Variants in CCSER1 observed in about 807,000 individuals in gnomAD.
CCSER1 encodes coiled-coil serine rich protein 1.
Under a neutral mutation model 82.0 loss-of-function variants are expected in CCSER1, and 41 were observed. That is an observed-to-expected ratio of 0.50 (90% CI 0.39 to 0.65). The LOEUF (loss-of-function observed/expected upper bound fraction) is 0.65, where lower values mean the gene tolerates loss of function less well. CCSER1 is among the 30% of genes least tolerant of loss of function. CCSER1 has a pLI of 0.00. For synonymous variants in CCSER1, 414 were observed against 383.9 expected (o/e 1.08, Z -0.92); for missense variants, 1,119 against 1,064.2 (o/e 1.05, Z -0.72).
chr4:91,154,769 A>G (rs1165912570), intron 10 of CCSER1, among the ~76,000 whole-genome samples: 1 of 152,024 alleles, frequency 6.6e-6, no homozygotes, highest in Non-Finnish European at 1.5e-5. Context: ...GAAAATTAAA[A>G]TTGGGTCATT....
At chr4:91,152,081 G>A (rs1488772886) in intron 10 of CCSER1, among the ~76,000 whole-genome samples, 2 of 152,170 alleles carry the variant, frequency 1.3e-5, no homozygotes, top group Admixed American at 6.5e-5. Flanking sequence ...GGGTGTTAAA[G>A]TTTCCCATTA....
chr4:90,920,149 G>T (rs1050030403), intron 8 of CCSER1, among the ~76,000 whole-genome samples: 2 of 151,820 alleles, frequency 1.3e-5, no homozygotes, highest in Non-Finnish European at 2.9e-5. Flanking sequence ...TTCATTGGTG[G>T]TCAAAGCTCA....
intron 10 of CCSER1, among the ~76,000 whole-genome samples, chr4:91,423,715 C>A (rs1249996624): frequency 6.6e-6 from 1 of 152,018 alleles, no homozygotes; most frequent in Non-Finnish European, 1.5e-5. Flanking sequence ...ACTAGCATCT[C>A]CTAATATAAA....
chr4:91,042,719 T>A (rs1353313829), intron 9 of CCSER1, among the ~76,000 whole-genome samples: 3 of 152,186 alleles, frequency 2.0e-5, no homozygotes, highest in African/African-American at 2.4e-5. Context: ...TACAACTTTT[T>A]AAAATTTTTA....
chr4:91,157,398 A>G (rs745869682), intron 10 of CCSER1, among the ~76,000 whole-genome samples: 1 of 152,012 alleles, frequency 6.6e-6, no homozygotes, highest in African/African-American at 2.4e-5. Flanking sequence ...AGACAGCCTT[A>G]TAAGGCATTT....
chr4:91,551,150 A>G (rs1365155977), intron 10 of CCSER1, among the ~76,000 whole-genome samples: 1 of 152,100 alleles, frequency 6.6e-6, no homozygotes, highest in Non-Finnish European at 1.5e-5. Context: ...AAGTAAAACA[A>G]AAGCTTATGT....
intron 9 of CCSER1, among the ~76,000 whole-genome samples, chr4:91,073,714 T>A (rs1190838363): frequency 6.6e-6 from 1 of 151,954 alleles, no homozygotes; most frequent in East Asian, 1.9e-4. Flanking sequence ...GTGTTCAAAG[T>A]TTTTTGGAAT....
chr4:91,536,979 AT>A (rs1761330278), intron 10 of CCSER1, among the ~76,000 whole-genome samples: 1 of 151,920 alleles, frequency 6.6e-6, no homozygotes, highest in Non-Finnish European at 1.5e-5. Flanking sequence ...GTGGGATTTT[AT>A]TTTTTATTCC....
intron 10 of CCSER1, among the ~76,000 whole-genome samples, chr4:91,285,028 G>A (rs1743176922): frequency 6.6e-6 from 1 of 151,826 alleles, no homozygotes; most frequent in Non-Finnish European, 1.5e-5. Flanking sequence ...AGACAGAACT[G>A]CTAATGTGAA....
At chr4:91,407,103 T>C (rs966204687) in intron 10 of CCSER1, among the ~76,000 whole-genome samples, 1 of 152,164 alleles carries the variant, frequency 6.6e-6, no homozygotes, top group Non-Finnish European at 1.5e-5. Context: ...CAGTTTCATA[T>C]CAATAAATTT....
At chr4:90,156,117 C>A (rs1053580561) in intron 1 of CCSER1, among the ~76,000 whole-genome samples, 2 of 152,150 alleles carry the variant, frequency 1.3e-5, no homozygotes, top group Non-Finnish European at 2.9e-5. Flanking sequence ...TTTCTGCCTT[C>A]ATTTCGTTAT....
intron 10 of CCSER1, among the ~76,000 whole-genome samples, chr4:91,235,343 C>T (rs1243106261): frequency 2.6e-5 from 4 of 152,022 alleles, no homozygotes; most frequent in African/African-American, 9.7e-5. Flanking sequence ...CAACTGTATA[C>T]AGGAGTTCTT....
At chr4:90,629,434 C>T (rs142932041) in intron 6 of CCSER1, among the ~76,000 whole-genome samples, 112 of 152,288 alleles carry the variant, frequency 7.4e-4, no homozygotes, top group African/African-American at 2.3e-3. Flanking sequence ...ACGTCTTACA[C>T]GGCGGCAGGC....
At chr4:90,932,929 A>AG (rs1321441907) in intron 9 of CCSER1, among the ~76,000 whole-genome samples, 1 of 30,734 alleles carries the variant, frequency 3.3e-5, no homozygotes, top group African/African-American at 2.9e-4. Context: ...AAAGAAAGAA[A>AG]GAAAGAAAGA....
At chr4:90,935,572 C>T (rs1004213594) in intron 9 of CCSER1, among the ~76,000 whole-genome samples, 1 of 152,134 alleles carries the variant, frequency 6.6e-6, no homozygotes, top group African/African-American at 2.4e-5. Context: ...TACTACAAGT[C>T]TGTTTTTCTG....
Position 91,136,949 on chromosome 4 carries a change from AC to A in CCSER1, c.2217+50958del, listed in dbSNP as rs1728522526. 2.0e-5 allele frequency among the ~76,000 whole-genome samples: 3 copies of A among 152,236 alleles called. No individual in the cohort carries two copies. The South Asian group carries it at 6.2e-4, about 32-fold the overall frequency. ...TTGGTAGCTTTCTCTAAAACTAAAAACCCTAACTTAATAGGGAATTCAAAAA... is the reference window on the plus strand; with the variant it reads ...TTGGTAGCTTTCTCTAAAACTAAAAACCTAACTTAATAGGGAATTCAAAAA... On this transcript the variant is annotated intron_variant, in intron 10 of 10. Transcript: ENST00000509176.
At chr4:90,776,641 G>C (rs1752930994) in intron 7 of CCSER1, among the ~76,000 whole-genome samples, 1 of 152,180 alleles carries the variant, frequency 6.6e-6, no homozygotes, top group Non-Finnish European at 1.5e-5. Flanking sequence ...ATGCTTGGAA[G>C]TCAGGTACTC....
At chr4:90,648,254 AAAG>A (rs1553969600) in intron 6 of CCSER1, among the ~76,000 whole-genome samples, 2,353 of 122,790 alleles carry the variant, frequency 0.019, 41 homozygotes, top group Middle Eastern at 0.034. Flanking sequence ...TAAAGGAAAA[AAAG>A]AAGAAAGAAA....
intron 5 of CCSER1, among the ~76,000 whole-genome samples, chr4:90,624,806 AAC>A (rs1722976467): frequency 6.6e-6 from 1 of 152,180 alleles, no homozygotes; most frequent in Non-Finnish European, 1.5e-5. Context: ...AAATTATAAA[AAC>A]TTGGTTAGCA....
Sources: gnomAD v4.1 joint callset for allele counts (sites outside exome capture counted in the v4.1 genomes callset) on GRCh38, gnomAD v4.1.1 for gene constraint, MANE v1.5 for transcripts, NCBI Gene and HGNC (gene_info 2026-07-23, HGNC 2026-07-21) for gene names.